The following VTI1A variants were observed in gnomAD, a reference collection of about 807,000 sequenced individuals.
VTI1A encodes vesicle transport through interaction with t-SNAREs 1A, also known as vesicle transport through interaction with t-SNAREs homolog 1A.
Under a neutral mutation model 34.9 loss-of-function variants are expected in VTI1A, and 22 were observed. The observed-to-expected ratio is 0.63, with a 90% confidence interval of 0.45 to 0.90. The LOEUF (loss-of-function observed/expected upper bound fraction) is 0.90, where lower values mean the gene tolerates loss of function less well. VTI1A is among the 40% of genes least tolerant of loss of function. The probability of loss-of-function intolerance (pLI) is 0.00; values close to 1 mark genes in which losing one functional copy is unlikely to be tolerated. For synonymous variants in VTI1A, 87 were observed against 97.3 expected, an observed-to-expected ratio of 0.89 and a Z score of 0.62; for missense variants, 268 against 275.6, an observed-to-expected ratio of 0.97 and a Z score of 0.20.
intron 7 of VTI1A, among the ~76,000 whole-genome samples, chr10:112,780,100 GACC>G (rs546945048): frequency 1.4e-5 from 2 of 145,490 alleles, no homozygotes; most frequent in South Asian, 4.4e-4. Flanking sequence ...AACATAGCAG[GACC>G]TTGTCTCTTA....
chr10:112,706,511 C>G (rs1849204321), intron 7 of VTI1A, among the ~76,000 whole-genome samples: 1 of 152,126 alleles, frequency 6.6e-6, no homozygotes, highest in Non-Finnish European at 1.5e-5. Flanking sequence ...TCTGTACTCT[C>G]AATATTTTGC....
chr10:112,520,443 G>C (rs906254642), intron 3 of VTI1A, among the ~76,000 whole-genome samples: 11 of 151,958 alleles, frequency 7.2e-5, no homozygotes, highest in African/African-American at 2.7e-4. Flanking sequence ...GTTTAGAAAT[G>C]CTGGAAGAGG....
chr10:112,621,501 C>G (rs1845733271), intron 5 of VTI1A, among the ~76,000 whole-genome samples: 1 of 152,072 alleles, frequency 6.6e-6, no homozygotes, highest in African/African-American at 2.4e-5. Flanking sequence ...ATTATTGTCC[C>G]CATTACTCAA....
At chr10:112,593,949 A>G (rs1975517) in intron 5 of VTI1A, among the ~76,000 whole-genome samples, 125,193 of 150,916 alleles carry the variant, frequency 0.83, 52,660 homozygotes, top group African/African-American at 0.95. Context: ...TCGCTCTGTC[A>G]CCCAGGCTGG....
intron 7 of VTI1A, among the ~76,000 whole-genome samples, chr10:112,749,423 A>G (rs78739114): frequency 0.018 from 2,751 of 152,346 alleles, 85 homozygotes; most frequent in African/African-American, 0.063. Context: ...ACCCTAGTCT[A>G]CAATACATCT....
At chr10:112,650,840 T>C (rs990719196) in intron 5 of VTI1A, among the ~76,000 whole-genome samples, 1 of 152,260 alleles carries the variant, frequency 6.6e-6, no homozygotes, top group Non-Finnish European at 1.5e-5. Context: ...GTACTGTTAC[T>C]ATTTCCTGCA....
At chr10:112,629,966 T>TA (rs1277077445) in intron 5 of VTI1A, among the ~76,000 whole-genome samples, 2 of 152,186 alleles carry the variant, frequency 1.3e-5, no homozygotes, top group Admixed American at 6.5e-5. Flanking sequence ...TTAAAAAAAA[T>TA]ATGGTTTTAT....
At chr10:112,454,071 TAC>T (rs1445246988) in intron 1 of VTI1A, among the ~76,000 whole-genome samples, 2 of 152,240 alleles carry the variant, frequency 1.3e-5, no homozygotes, top group Non-Finnish European at 2.9e-5. Context: ...TATACCATGT[TAC>T]ACAGGGTAGC....
At position 112,668,220 on chromosome 10, in the gene VTI1A, C is replaced by G. The variant is rs1847713910; in HGVS notation, c.430C>G (p.Gln144Glu). 3 of 1,612,146 alleles carry G rather than the reference C, an allele frequency of 1.9e-6. No individual in the cohort carries two copies. Among genetic ancestry groups the G allele is most frequent in the Non-Finnish European group, 2.5e-6 (3 of 1,178,802 alleles). ...CACTCAAATTTTCTTTTCCGTAGAG[C>G]AAATTGGTCAGGAGATGTTGGAAAA... The part of the protein sequence containing the change: ...AGYQIAVETE[Q>E]IGQEMLENLS... The change falls in exon 6 of 8, where the codon CAA becomes GAA. Residue 144 changes from glutamine to glutamate, a missense_variant and splice_region_variant. Gln to Glu is a conservative substitution (Grantham distance 29). Coordinates refer to ENST00000393077, the MANE Select transcript of VTI1A (RefSeq NM_145206.4).
intron 7 of VTI1A, among the ~76,000 whole-genome samples, chr10:112,695,448 A>G (rs1170469247): frequency 2.0e-5 from 3 of 152,182 alleles, no homozygotes; most frequent in Non-Finnish European, 4.4e-5. Flanking sequence ...GCTTTTTCCC[A>G]TAATTGCTGA....
At chr10:112,793,627 C>A (rs1171829677) in intron 7 of VTI1A, among the ~76,000 whole-genome samples, 1 of 152,160 alleles carries the variant, frequency 6.6e-6, no homozygotes. Flanking sequence ...GTGCAAAATG[C>A]CAGATGCTAC....
intron 7 of VTI1A, among the ~76,000 whole-genome samples, chr10:112,696,094 T>TTATATATATATATATATA (rs140889088): frequency 4.9e-4 from 71 of 145,192 alleles, no homozygotes; most frequent in South Asian, 2.2e-3. Context: ...GAGAGAATGA[T>TTATATATATATATATATA]TATATATATA....
At chr10:112,761,597 A>G (rs1451974728) in intron 7 of VTI1A, among the ~76,000 whole-genome samples, 5 of 152,300 alleles carry the variant, frequency 3.3e-5, no homozygotes, top group East Asian at 3.9e-4. Context: ...CGTTATTCTT[A>G]ATGTCAATGC....
At chr10:112,683,540 T>TA (rs1022804296) in intron 7 of VTI1A, among the ~76,000 whole-genome samples, 5 of 152,160 alleles carry the variant, frequency 3.3e-5, no homozygotes, top group African/African-American at 4.8e-5. Context: ...AATTTTTAAA[T>TA]AAAAAAATTG....
chr10:112,686,100 A>G (rs1848400728), intron 7 of VTI1A, among the ~76,000 whole-genome samples: 1 of 152,206 alleles, frequency 6.6e-6, no homozygotes, highest in African/African-American at 2.4e-5. Flanking sequence ...TGTGGAGAAA[A>G]GGAAAAGAAG....
chr10:112,712,781 G>T (rs967053694), intron 7 of VTI1A, among the ~76,000 whole-genome samples: 1 of 152,180 alleles, frequency 6.6e-6, no homozygotes, highest in Non-Finnish European at 1.5e-5. Context: ...ATGGAGACTG[G>T]TGCAGGTTCA....
chr10:112,845,518 G>A, the VTI1A span, among the ~76,000 whole-genome samples: 1 of 152,200 alleles, frequency 6.6e-6, no homozygotes, highest in Non-Finnish European at 1.5e-5. Flanking sequence ...AACTTGCGCA[G>A]CAGCGACCCT....
chr10:112,523,956 G>C (rs1001254790), intron 3 of VTI1A, among the ~76,000 whole-genome samples: 3 of 152,038 alleles, frequency 2.0e-5, no homozygotes, highest in Non-Finnish European at 2.9e-5. Context: ...TCAAGATACA[G>C]TAAATGCTTC....
chr10:112,565,444 C>T (rs924881153), intron 5 of VTI1A, among the ~76,000 whole-genome samples: 2 of 152,196 alleles, frequency 1.3e-5, no homozygotes, highest in Non-Finnish European at 2.9e-5. Flanking sequence ...CTTATTTATA[C>T]ATTTTATTTA....
Sources: allele counts gnomAD v4.1 joint callset (sites outside exome capture counted in the v4.1 genomes callset), GRCh38; gene constraint gnomAD v4.1.1; transcripts MANE v1.5; gene names NCBI Gene and HGNC (gene_info 2026-07-23, HGNC 2026-07-21).